Variants in ARHGAP12 observed in about 807,000 individuals in gnomAD.
ARHGAP12 encodes the protein rho GTPase-activating protein 12.
ARHGAP12 carries 64 observed loss-of-function variants against 108.6 expected under a neutral mutation model. The ratio of observed to expected loss-of-function variants is 0.59; its 90% confidence interval spans 0.48 to 0.73. The LOEUF is 0.73. Among genes scored for constraint, ARHGAP12 ranks in the 30% least tolerant of loss-of-function variants. ARHGAP12 has a pLI of 0.00. For missense variants in ARHGAP12, 940 were observed against 1,005.9 expected (o/e 0.93, Z 0.89); for synonymous variants, 312 against 337.2 (o/e 0.93, Z 0.82).
At chr10:31,824,724 CTCTG>C (rs1358754802) in intron 11 of ARHGAP12, among the ~76,000 whole-genome samples, 6 of 152,100 alleles carry the variant, frequency 3.9e-5, no homozygotes, top group Admixed American at 2.6e-4. Context: ...CTACAGGATG[CTCTG>C]TCTAATGGCT....
intron 1 of ARHGAP12, among the ~76,000 whole-genome samples, chr10:31,928,174 GCACACA>G (rs60633813): frequency 1.7e-4 from 25 of 149,394 alleles, no homozygotes; most frequent in South Asian, 6.3e-4. Context: ...GGCCTTTTGC[GCACACA>G]CACACACACA....
At position 31,861,477 on chromosome 10, in the gene ARHGAP12, T is replaced by C. The variant is rs139938049; in HGVS notation, c.866A>G (p.Gln289Arg). Reference sequence around the variant, plus strand: ...ACGAGGAGGTTTCCAAGTTCTTTCCTGTGTCCCTCTGTTATAGTAATAGCA... The same window carrying C: ...ACGAGGAGGTTTCCAAGTTCTTTCCCGTGTCCCTCTGTTATAGTAATAGCA... ...GRCYYYNRGT[Q>R]ERTWKPPRWT... Residue 289 changes from glutamine to arginine, a missense_variant, in exon 4 of 20, where the codon CAG becomes CGG. Physicochemically the swap from Gln to Arg is conservative, Grantham distance 43. Transcript: ENST00000344936. 3.1e-6 allele frequency: 5 copies of C among 1,614,196 alleles called. No individual in the cohort carries two copies. The highest frequency in any genetic ancestry group is 3.4e-6 in the Non-Finnish European group (4 of 1,180,022).
chr10:31,873,524 G>A (rs947968030), intron 3 of ARHGAP12, among the ~76,000 whole-genome samples: 7 of 151,962 alleles, frequency 4.6e-5, no homozygotes, highest in African/African-American at 1.7e-4. Context: ...GGCTACTATC[G>A]GCCGGCACCA....
chr10:31,881,915 GTT>G (rs886188365), intron 3 of ARHGAP12, among the ~76,000 whole-genome samples: 7 of 135,982 alleles, frequency 5.1e-5, no homozygotes, highest in Admixed American at 7.4e-5. Context: ...TTGTTTAGAT[GTT>G]TTTTTTTTTT....
intron 16 of ARHGAP12, among the ~76,000 whole-genome samples, chr10:31,810,377 A>C (rs1023458361): frequency 1.4e-4 from 21 of 152,166 alleles, no homozygotes; most frequent in African/African-American, 4.8e-4. Context: ...CTTCATTTTA[A>C]GCAAATGCTT....
At chr10:31,836,082 A>C (rs937018956) in intron 9 of ARHGAP12, among the ~76,000 whole-genome samples, 5 of 152,204 alleles carry the variant, frequency 3.3e-5, no homozygotes, top group Non-Finnish European at 5.9e-5. Flanking sequence ...CATGTTTTTT[A>C]AAAAGGCCTT....
At chr10:31,894,831 C>T (rs1289409748) in intron 3 of ARHGAP12, among the ~76,000 whole-genome samples, 2 of 152,178 alleles carry the variant, frequency 1.3e-5, no homozygotes, top group Non-Finnish European at 2.9e-5. Context: ...AGGCATCACG[C>T]TACCTGACTT....
At chr10:31,919,721 G>T (rs746443776) in intron 1 of ARHGAP12, among the ~76,000 whole-genome samples, 1 of 151,820 alleles carries the variant, frequency 6.6e-6, no homozygotes, top group African/African-American at 2.4e-5. Context: ...AACCAGGGAG[G>T]TGGAGCTTCC....
chr10:31,838,663 C>T (rs950800444), intron 9 of ARHGAP12, among the ~76,000 whole-genome samples: 4 of 151,942 alleles, frequency 2.6e-5, no homozygotes, highest in African/African-American at 9.7e-5. Flanking sequence ...AACCCCGTCT[C>T]TACTAAAAAT....
intron 12 of ARHGAP12, among the ~76,000 whole-genome samples, chr10:31,818,590 A>AT (rs1355528630): frequency 1.3e-5 from 2 of 152,062 alleles, no homozygotes; most frequent in East Asian, 1.9e-4. Context: ...TTAAAAACTG[A>AT]TTTTTTTTCC....
At chr10:31,926,197 C>T (rs1840032025) in intron 1 of ARHGAP12, among the ~76,000 whole-genome samples, 1 of 152,090 alleles carries the variant, frequency 6.6e-6, no homozygotes, top group African/African-American at 2.4e-5. Flanking sequence ...TTTGGCAGTT[C>T]AGTTCAATTA....
At chr10:31,915,810 A>C (rs541602039) in intron 1 of ARHGAP12, among the ~76,000 whole-genome samples, 1 of 152,338 alleles carries the variant, frequency 6.6e-6, no homozygotes, top group Non-Finnish European at 1.5e-5. Flanking sequence ...AAAGGACAAA[A>C]ATCAGATAAA....
chr10:31,862,705 GACACACACACACACACACACAC>G (rs559731195), intron 3 of ARHGAP12, among the ~76,000 whole-genome samples: 3 of 133,096 alleles, frequency 2.3e-5, no homozygotes, highest in African/African-American at 5.7e-5. Flanking sequence ...TGCACACACA[GACACACACACACACACACACAC>G]ACACACACAC....
rs895190473 is a variant in ARHGAP12 at position 31,906,152 on chromosome 10, C to A, written c.684+2020G>T. Among the ~76,000 whole-genome samples, 8 of 152,178 alleles carry A rather than the reference C, an allele frequency of 5.3e-5. 1 individual carries two copies. The highest frequency in any genetic ancestry group is 4.6e-4 in the Admixed American group (7 of 15,278). ...GCCCAACTAGCCCCACGTGAGTGAACCATCTTCAGAAGCAGCCCCTCCAGC... is the reference window on the plus strand; with the variant it reads ...GCCCAACTAGCCCCACGTGAGTGAAACATCTTCAGAAGCAGCCCCTCCAGC... On this transcript the variant is annotated intron_variant, in intron 3 of 19. Transcript: ENST00000344936.
chr10:31,923,236 T>A (rs1773153042), intron 1 of ARHGAP12, among the ~76,000 whole-genome samples: 1 of 149,830 alleles, frequency 6.7e-6, no homozygotes, highest in African/African-American at 2.5e-5. Flanking sequence ...TCTTTAGCCA[T>A]CAGGAAAATG....
intron 1 of ARHGAP12, among the ~76,000 whole-genome samples, chr10:31,924,768 A>G: frequency 6.6e-6 from 1 of 152,260 alleles, no homozygotes; most frequent in Non-Finnish European, 1.5e-5. Context: ...CAGAGGTCTA[A>G]ATTTTAAATC....
intron 3 of ARHGAP12, among the ~76,000 whole-genome samples, chr10:31,874,562 C>T (rs556683528): frequency 3.9e-4 from 59 of 152,140 alleles, no homozygotes; most frequent in African/African-American, 1.4e-3. Context: ...GATGATTTTC[C>T]ATCACTTTAA....
chr10:31,886,385 A>G (rs1838190463), intron 3 of ARHGAP12, among the ~76,000 whole-genome samples: 1 of 152,160 alleles, frequency 6.6e-6, no homozygotes. Flanking sequence ...ATATATACAT[A>G]TGTACACAGA....
At chr10:31,906,785 GTACA>G (rs1376707882) in intron 3 of ARHGAP12, among the ~76,000 whole-genome samples, 15 of 152,146 alleles carry the variant, frequency 9.9e-5, no homozygotes, top group Non-Finnish European at 2.9e-5. Context: ...GATTGCGTGC[GTACA>G]TAAATATAAA....
Sources: allele counts gnomAD v4.1 joint callset (sites outside exome capture counted in the v4.1 genomes callset), GRCh38; gene constraint gnomAD v4.1.1; transcripts MANE v1.5; gene names NCBI Gene and HGNC (gene_info 2026-07-23, HGNC 2026-07-21).